Variants in AGMO observed in about 807,000 individuals in gnomAD.
AGMO encodes the protein glyceryl-ether monooxygenase.
A neutral mutation model predicts 60.2 loss-of-function variants in AGMO; 75 were observed. The ratio of observed to expected loss-of-function variants is 1.25; its 90% CI spans 1.03 to 1.51. The LOEUF (loss-of-function observed/expected upper bound fraction) is 1.51. Among genes scored for constraint, AGMO ranks in the 40% most tolerant of loss-of-function variants. The pLI is 0.00. For synonymous variants in AGMO, 261 were observed against 177.1 expected (o/e 1.47, Z -3.76); for missense variants, 763 against 525.5 (o/e 1.45, Z -4.42).
chr7:15,309,452 A>C (rs1162783870), intron 12 of AGMO, among the ~76,000 whole-genome samples: 1 of 152,164 alleles, frequency 6.6e-6, no homozygotes, highest in African/African-American at 2.4e-5. Flanking sequence ...AAACTAAGCC[A>C]ACTTTGAAGT....
chr7:15,159,238 G>T, the AGMO span, among the ~76,000 whole-genome samples: 1 of 152,170 alleles, frequency 6.6e-6, no homozygotes, highest in African/African-American at 2.4e-5. Context: ...TATTCAAGGG[G>T]ATAGGGAAAT....
chr7:15,541,842 A>C (rs562943078), intron 3 of AGMO, among the ~76,000 whole-genome samples: 1 of 152,344 alleles, frequency 6.6e-6, no homozygotes, highest in South Asian at 2.1e-4. Context: ...TTGTTTCTTC[A>C]AAACTCACAG....
chr7:15,184,288 A>AGGGAGGGAG, the AGMO span, among the ~76,000 whole-genome samples: 3 of 55,836 alleles, frequency 5.4e-5, no homozygotes, highest in African/African-American at 8.5e-5. Flanking sequence ...AAAGGAAGGA[A>AGGGAGGGAG]GGAAGGGAGG....
At chr7:15,454,511 T>A (rs1781946590) in intron 3 of AGMO, among the ~76,000 whole-genome samples, 1 of 152,156 alleles carries the variant, frequency 6.6e-6, no homozygotes, top group South Asian at 2.1e-4. Context: ...ATGTTTTCAA[T>A]AACCTTTTTC....
chr7:15,340,926 A>G (rs1452898479), intron 12 of AGMO, among the ~76,000 whole-genome samples: 1 of 152,116 alleles, frequency 6.6e-6, no homozygotes, highest in East Asian at 1.9e-4. Flanking sequence ...AGCTTGCACC[A>G]TATGCCTGAA....
chr7:15,298,341 G>T (rs1210106988), intron 12 of AGMO, among the ~76,000 whole-genome samples: 8 of 152,022 alleles, frequency 5.3e-5, no homozygotes, highest in Admixed American at 4.6e-4. Flanking sequence ...CAACCAATGT[G>T]ATCAACTGTA....
chr7:15,396,960 T>C (rs1167713875), intron 5 of AGMO, among the ~76,000 whole-genome samples: 1 of 152,152 alleles, frequency 6.6e-6, no homozygotes, highest in African/African-American at 2.4e-5. Flanking sequence ...TGAGTGCTAA[T>C]TGGTGCATTT....
At chr7:15,502,845 A>G (rs1583621176) in intron 3 of AGMO, among the ~76,000 whole-genome samples, 1 of 152,140 alleles carries the variant, frequency 6.6e-6, no homozygotes, top group East Asian at 1.9e-4. Context: ...AAGAACATTG[A>G]TTTTAATACC....
At chr7:15,343,840 C>T (rs991726986) in intron 12 of AGMO, among the ~76,000 whole-genome samples, 5 of 152,226 alleles carry the variant, frequency 3.3e-5, no homozygotes, top group African/African-American at 9.6e-5. Context: ...ATTGAAATAA[C>T]GGACAAAACT....
At chr7:15,391,439 T>G (rs1451895785) in intron 6 of AGMO, among the ~76,000 whole-genome samples, 2 of 152,188 alleles carry the variant, frequency 1.3e-5, no homozygotes, top group Non-Finnish European at 1.5e-5. Flanking sequence ...ATATCATATG[T>G]ATTTTTCCTG....
At chr7:15,406,021 G>C (rs553356171) in intron 5 of AGMO, among the ~76,000 whole-genome samples, 2 of 151,792 alleles carry the variant, frequency 1.3e-5, no homozygotes, top group Admixed American at 1.3e-4. Context: ...TTTCACAACA[G>C]ACATTTTTTA....
chr7:15,366,501 A>AT (rs149847549), intron 10 of AGMO, among the ~76,000 whole-genome samples: 1,781 of 152,140 alleles, frequency 0.012, 29 homozygotes, highest in African/African-American at 0.041. Flanking sequence ...GACTTTTATA[A>AT]TTTTTTGAAG....
chr7:15,430,628 T>C (rs1781205682), intron 4 of AGMO, among the ~76,000 whole-genome samples: 1 of 107,618 alleles, frequency 9.3e-6, no homozygotes, highest in African/African-American at 3.5e-5. Context: ...ACTGGTTTTT[T>C]TTAAAAAAAA....
At chr7:15,126,395 T>C in the AGMO span, among the ~76,000 whole-genome samples, 1 of 152,116 alleles carries the variant, frequency 6.6e-6, no homozygotes, top group African/African-American at 2.4e-5. Flanking sequence ...TAAAAACTAT[T>C]AAGTTATTGT....
chr7:15,191,059 T>A, the AGMO span, among the ~76,000 whole-genome samples: 1 of 152,172 alleles, frequency 6.6e-6, no homozygotes, highest in Non-Finnish European at 1.5e-5. Context: ...ACTTACTATA[T>A]GTGTGCTGAC....
chr7:15,409,458 T>A (rs967709512), intron 5 of AGMO, among the ~76,000 whole-genome samples: 5 of 151,950 alleles, frequency 3.3e-5, no homozygotes, highest in African/African-American at 1.2e-4. Context: ...ACATAAATCA[T>A]AGAATATCAA....
chr7:15,385,660 T>A lies in AGMO; in HGVS notation c.958-98A>T, dbSNP rs1178364489. ...TATTTGAAAAAAGTATCTGCTATTT[T>A]TTTTAAAAAAAGACAAACATAATTT... On this transcript the variant is annotated intron_variant, in intron 9 of 12. Transcript: ENST00000342526. 4.1e-6 allele frequency: 3 copies of A among 735,722 alleles called. No individual in the cohort carries two copies. The East Asian group carries it at 7.8e-5, about 19-fold the overall frequency. 45.6% of individuals were successfully genotyped at this position (735,722 alleles called of 1,614,324 possible).
chr7:15,317,926 CGTATATATATATAT>C (rs1563083744), intron 12 of AGMO, among the ~76,000 whole-genome samples: 3 of 134,874 alleles, frequency 2.2e-5, no homozygotes, highest in South Asian at 2.4e-4. Flanking sequence ...TATACACACA[CGTATATATATATAT>C]ACACACACAC....
intron 12 of AGMO, among the ~76,000 whole-genome samples, chr7:15,260,024 A>G (rs1783222309): frequency 6.7e-6 from 1 of 148,534 alleles, no homozygotes; most frequent in South Asian, 2.1e-4. Context: ...TAACACAATG[A>G]AAAAAAAACC....
Sources: gnomAD v4.1 joint callset for allele counts (sites outside exome capture counted in the v4.1 genomes callset) on GRCh38, gnomAD v4.1.1 for gene constraint, MANE v1.5 for transcripts, NCBI Gene and HGNC (gene_info 2026-07-23, HGNC 2026-07-21) for gene names.